The following KHDRBS2 variants were observed in gnomAD, a reference collection of about 807,000 sequenced individuals.
KHDRBS2 encodes KH domain-containing, RNA-binding, signal transduction-associated protein 2.
KHDRBS2 carries 26 observed loss-of-function variants against 44.3 expected under a neutral mutation model. The ratio of observed to expected loss-of-function variants is 0.59; its 90% CI spans 0.43 to 0.81. The LOEUF (loss-of-function observed/expected upper bound fraction) is 0.81. KHDRBS2 is among the 40% of genes least tolerant of loss of function. The probability of loss-of-function intolerance (pLI) is 0.00; values close to 1 mark genes in which losing one functional copy is unlikely to be tolerated. For synonymous variants in KHDRBS2, 194 were observed against 151.1 expected, an observed-to-expected ratio of 1.28 and a Z score of -2.08; for missense variants, 476 against 433.1, an observed-to-expected ratio of 1.10 and a Z score of -0.88.
In KHDRBS2 at chr6:62,105,301, A is replaced by C. The variant is rs573277283; in HGVS notation, c.220-57307T>G. 3.3e-5 allele frequency among the ~76,000 whole-genome samples: 5 copies of C among 152,346 alleles called. No homozygotes were observed. The South Asian group carries it at 1.0e-3, about 32-fold the overall frequency. ...AGGCTGGCATTACTCTGGTATCACA[A>C]ACAGAAAAAGAAAATTCACACAAAT... On this transcript the variant is annotated intron_variant, in intron 2 of 8. Transcript: ENST00000281156.
At chr6:61,932,119 T>A in intron 4 of KHDRBS2, among the ~76,000 whole-genome samples, 1 of 152,146 alleles carries the variant, frequency 6.6e-6, no homozygotes, top group Non-Finnish European at 1.5e-5. Context: ...CTATTTGTAG[T>A]TAAGTTTTTG....
At chr6:62,108,510 T>C (rs1804103820) in intron 2 of KHDRBS2, among the ~76,000 whole-genome samples, 1 of 152,124 alleles carries the variant, frequency 6.6e-6, no homozygotes, top group Non-Finnish European at 1.5e-5. Context: ...GACTGTAAAC[T>C]AGTTCAACCA....
chr6:61,995,664 T>A (rs1483051469), intron 3 of KHDRBS2, among the ~76,000 whole-genome samples: 1 of 152,174 alleles, frequency 6.6e-6, no homozygotes, highest in Non-Finnish European at 1.5e-5. Flanking sequence ...ATGTGGGGAC[T>A]CTGTAGTTAT....
At chr6:62,012,623 G>C (rs1780511402) in intron 3 of KHDRBS2, among the ~76,000 whole-genome samples, 1 of 152,078 alleles carries the variant, frequency 6.6e-6, no homozygotes, top group African/African-American at 2.4e-5. Context: ...CACCAAGCAA[G>C]TGCCTTCCTT....
At chr6:62,241,948 T>C (rs901262037) in intron 1 of KHDRBS2, among the ~76,000 whole-genome samples, 11 of 152,158 alleles carry the variant, frequency 7.2e-5, no homozygotes, top group African/African-American at 2.7e-4. Context: ...ATCTCCCAAA[T>C]GTCAACTTGT....
chr6:62,066,992 G>C (rs1448806823), intron 2 of KHDRBS2, among the ~76,000 whole-genome samples: 1 of 151,510 alleles, frequency 6.6e-6, no homozygotes, highest in Non-Finnish European at 1.5e-5. Flanking sequence ...AGCAGTGGGA[G>C]TAAATTAAAA....
At chr6:62,271,968 G>A (rs535140110) in intron 1 of KHDRBS2, among the ~76,000 whole-genome samples, 8 of 152,086 alleles carry the variant, frequency 5.3e-5, no homozygotes, top group East Asian at 1.9e-4. Flanking sequence ...TAATGTCCTC[G>A]ACCTTCACCT....
the KHDRBS2 span, among the ~76,000 whole-genome samples, chr6:61,594,817 A>G: frequency 6.6e-6 from 1 of 152,150 alleles, no homozygotes; most frequent in Non-Finnish European, 1.5e-5. Context: ...CTTAATTTTG[A>G]TTTGTGAAAT....
chr6:61,549,962 C>G, the KHDRBS2 span, among the ~76,000 whole-genome samples: 2 of 152,098 alleles, frequency 1.3e-5, no homozygotes, highest in Non-Finnish European at 2.9e-5. Context: ...TTATGATGCA[C>G]TATACAAAAA....
intron 3 of KHDRBS2, among the ~76,000 whole-genome samples, chr6:61,989,583 T>A (rs1366551080): frequency 6.6e-6 from 1 of 152,194 alleles, no homozygotes; most frequent in African/African-American, 2.4e-5. Flanking sequence ...GATTTCTTTC[T>A]GTCTTTGCAA....
chr6:62,251,600 G>A (rs1836547165), intron 1 of KHDRBS2, among the ~76,000 whole-genome samples: 1 of 151,856 alleles, frequency 6.6e-6, no homozygotes, highest in South Asian at 2.1e-4. Context: ...ATATTAGCTT[G>A]TTATACATAG....
intron 8 of KHDRBS2, among the ~76,000 whole-genome samples, chr6:61,696,488 A>T (rs1171751357): frequency 1.3e-5 from 2 of 151,468 alleles, no homozygotes; most frequent in Non-Finnish European, 2.9e-5. Flanking sequence ...CACTCTCCTG[A>T]TCTCGTGATC....
the KHDRBS2 span, among the ~76,000 whole-genome samples, chr6:61,568,088 G>C: frequency 2.6e-5 from 4 of 152,020 alleles, no homozygotes; most frequent in Non-Finnish European, 4.4e-5. Flanking sequence ...ACTATTTATT[G>C]AATAAAGTGT....
At chr6:62,042,524 G>A (rs1168923556) in intron 3 of KHDRBS2, among the ~76,000 whole-genome samples, 1 of 152,068 alleles carries the variant, frequency 6.6e-6, no homozygotes, top group Non-Finnish European at 1.5e-5. Context: ...AGGAGTCTAT[G>A]TAACCAGTCA....
At chr6:62,252,259 T>G (rs1188499310) in intron 1 of KHDRBS2, among the ~76,000 whole-genome samples, 1 of 151,898 alleles carries the variant, frequency 6.6e-6, no homozygotes, top group Non-Finnish European at 1.5e-5. Context: ...TTCATACTTT[T>G]GGGGTCTTTA....
chr6:61,742,296 C>T (rs1776247946), intron 6 of KHDRBS2, among the ~76,000 whole-genome samples: 1 of 151,888 alleles, frequency 6.6e-6, no homozygotes, highest in South Asian at 2.1e-4. Flanking sequence ...AGAATGTCTA[C>T]TTCATATATG....
chr6:62,085,173 C>T (rs1169481161), intron 2 of KHDRBS2, among the ~76,000 whole-genome samples: 1 of 152,008 alleles, frequency 6.6e-6, no homozygotes, highest in Non-Finnish European at 1.5e-5. Context: ...TATTAGGATG[C>T]TTAAGAAATA....
At chr6:62,115,837 T>C (rs943213807) in intron 2 of KHDRBS2, among the ~76,000 whole-genome samples, 7 of 152,168 alleles carry the variant, frequency 4.6e-5, no homozygotes, top group Admixed American at 3.9e-4. Flanking sequence ...TGAGAAATCA[T>C]ATAAAACAAA....
intron 1 of KHDRBS2, among the ~76,000 whole-genome samples, chr6:62,259,371 T>C (rs979824195): frequency 1.8e-4 from 27 of 151,966 alleles, no homozygotes; most frequent in Admixed American, 1.8e-3. Context: ...TTCTATATAG[T>C]ATTTCATGCA....
Sources: allele counts gnomAD v4.1 joint callset (sites outside exome capture counted in the v4.1 genomes callset), GRCh38; gene constraint gnomAD v4.1.1; transcripts MANE v1.5; gene names NCBI Gene and HGNC (gene_info 2026-07-23, HGNC 2026-07-21).